The following WDFY4 variants were observed in gnomAD, a reference collection of about 807,000 sequenced individuals.
WDFY4 encodes the protein WD repeat- and FYVE domain-containing protein 4.
In WDFY4, 169 loss-of-function variants were observed where a neutral mutation model predicts 351.9. The ratio of observed to expected loss-of-function variants is 0.48; its 90% confidence interval spans 0.42 to 0.55. The LOEUF is 0.55. Ranked by LOEUF, WDFY4 falls within the 20% of genes least tolerant of loss-of-function variation. The pLI, the probability that WDFY4 is intolerant of heterozygous loss-of-function variation, is 0.00. For synonymous variants in WDFY4, 1,622 were observed against 1,574.6 expected, an observed-to-expected ratio of 1.03 and a Z score of -0.71; for missense variants, 3,803 against 3,935.6, an observed-to-expected ratio of 0.97 and a Z score of 0.90.
At chr10:48,803,139 A>AG in intron 24 of WDFY4, 147 bp from the exon 25 acceptor site, 4 of 752,570 alleles carry the variant, frequency 5.3e-6, no homozygotes, top group Non-Finnish European at 8.8e-6. Context: ...GAGTGTCAGG[A>AG]CAGCTGATCT....
chr10:48,942,318 T>C (rs1017004350), intron 48 of WDFY4, among the ~76,000 whole-genome samples: 1 of 152,220 alleles, frequency 6.6e-6, no homozygotes, highest in Non-Finnish European at 1.5e-5. Context: ...CCTGACCAGA[T>C]GTCGGTGATG....
At position 48,774,548 on chromosome 10, in the gene WDFY4, T is replaced by G. The variant is rs2065966656; in HGVS notation, c.2644T>G (p.Leu882Val). 6.4e-7 allele frequency: 1 copy of G among 1,551,520 alleles called. No homozygotes were observed. The highest frequency in any genetic ancestry group is 8.7e-7 in the Non-Finnish European group (1 of 1,146,946). ...CCGCCAGGTCATGTGCGAAGCAGGC[T>G]TGCTTGGGACCCTCATGGCCTCCTG... ...KNRQVMCEAG[L>V]LGTLMASCHR... The change falls in exon 14 of 62, where the codon TTG becomes GTG. Residue 882 changes from leucine (L) to valine (V), a missense_variant. Around this residue, in one of 3 missense-constraint regions of WDFY4, gnomAD observed 3,054 missense variants for 3,148.6 expected, o/e 0.97. Coordinates refer to ENST00000325239, the MANE Select transcript of WDFY4 (RefSeq NM_001394531.1).
rs546471880 is a variant in WDFY4 at position 48,804,621 on chromosome 10, C to T, written c.4485-639C>T. On this transcript the variant is annotated intron_variant, in intron 25 of 61. Transcript: ENST00000325239. ...GAGGAATCTGCCCAAAGTCACCCTC[C>T]TCCACATTTTTCTCCACCATTTTTT... The T allele has an allele frequency of 1.2e-5, 8 of 666,910 alleles. No individual in the cohort carries two copies. The Admixed American group carries it at 5.0e-4, about 42-fold the overall frequency. 41.3% of individuals were successfully genotyped at this position (666,910 alleles called of 1,614,324 possible).
chr10:48,899,434 G>A (rs537012056), intron 45 of WDFY4, among the ~76,000 whole-genome samples: 1 of 152,204 alleles, frequency 6.6e-6, no homozygotes. Flanking sequence ...TGCAGGACAG[G>A]ACTCTGCTAT....
chr10:48,800,384 G>A (rs146595178), intron 24 of WDFY4, among the ~76,000 whole-genome samples: 2 of 152,190 alleles, frequency 1.3e-5, no homozygotes, highest in African/African-American at 4.8e-5. Flanking sequence ...GACAGGAAGA[G>A]GAAGTTGTGA....
At position 48,723,508 on chromosome 10, in the gene WDFY4, C is replaced by G; in HGVS notation, c.532C>G (p.Pro178Ala). Reference protein sequence around the residue: ...LQCLYLFFVFPLDKDELLESD... With the variant: ...LQCLYLFFVFALDKDELLESD... ...GTGCCTTTACCTCTTCTTTGTCTTT[C>G]CTCTGGACAAAGATGAGCTTCTTGA... Residue 178 changes from proline to alanine, a missense_variant, in exon 5 of 62, where the codon CCT becomes GCT. This residue lies in a region of WDFY4 where 488 missense variants were observed against 456.8 expected (regional missense o/e 1.07). Coordinates refer to ENST00000325239, the MANE Select transcript of WDFY4 (RefSeq NM_001394531.1). 2 of 1,551,686 alleles carry G rather than the reference C, an allele frequency of 1.3e-6. No individual in the cohort carries two copies. Among genetic ancestry groups the G allele is most frequent in the Non-Finnish European group, 1.7e-6 (2 of 1,147,040 alleles).
intron 4 of WDFY4, 149 bp downstream of exon 4, chr10:48,721,516 A>C (rs1266854563): frequency 3.0e-5 from 22 of 741,704 alleles, no homozygotes; most frequent in Non-Finnish European, 4.3e-5. Flanking sequence ...CTTCTGGTGT[A>C]GAACATGGAC....
chr10:48,858,176 A>G (rs75817651), intron 39 of WDFY4, among the ~76,000 whole-genome samples: 3,078 of 152,236 alleles, frequency 0.02, 112 homozygotes, highest in African/African-American at 0.07. Flanking sequence ...ATTTTCTCTC[A>G]GAGTGTAGAT....
chr10:48,969,401 A>G (rs556894197), intron 56 of WDFY4, among the ~76,000 whole-genome samples, 153 bp downstream of exon 56: 12 of 152,294 alleles, frequency 7.9e-5, no homozygotes, highest in African/African-American at 2.9e-4. Flanking sequence ...GGACTCAGTG[A>G]CCATGCAAAG....
chr10:48,728,361 A>G (rs2064339152), intron 7 of WDFY4, among the ~76,000 whole-genome samples: 1 of 152,188 alleles, frequency 6.6e-6, no homozygotes, highest in Non-Finnish European at 1.5e-5. Context: ...AGTGGGGCCC[A>G]GGGATTACAG....
intron 1 of WDFY4, among the ~76,000 whole-genome samples, chr10:48,697,464 C>A (rs534459617): frequency 6.6e-6 from 1 of 152,216 alleles, no homozygotes; most frequent in Non-Finnish European, 1.5e-5. Flanking sequence ...TTGGGGAACC[C>A]GGCCTCCAAG....
At position 48,751,316 on chromosome 10, in the gene WDFY4, A is replaced by G. The variant is rs114435959; in HGVS notation, c.2459+7768A>G. The stretch of plus-strand genomic sequence containing the variant: ...AGGAGGCATAAAGGTGAGACTCAAA[A>G]TCAACTATCTTGAGTAAGGTTTGTT... On this transcript the variant is annotated intron_variant, in intron 12 of 61. Transcript: ENST00000325239. Among the ~76,000 whole-genome samples, 795 of 152,338 alleles carry G rather than the reference A, an allele frequency of 5.2e-3. 7 individuals are homozygous for G. Among genetic ancestry groups the G allele is most frequent in the African/African-American group, 0.018 (754 of 41,584 alleles).
chr10:48,862,489 A>C (rs920593559), intron 39 of WDFY4, among the ~76,000 whole-genome samples: 21 of 152,150 alleles, frequency 1.4e-4, no homozygotes, highest in African/African-American at 4.6e-4. Context: ...TGTTCTCCTT[A>C]TGAGAATCTA....
chr10:48,776,830 G>T lies in WDFY4; in HGVS notation c.2944G>T (p.Ala982Ser), dbSNP rs1227071474. The T allele has an allele frequency of 1.7e-5, 26 of 1,551,540 alleles. No homozygotes were observed. The Admixed American group carries it at 3.5e-4, about 21-fold the overall frequency. The change falls in exon 16 of 62, where the codon GCC (alanine) becomes TCC (serine). Residue 982 changes from alanine to serine, a missense_variant. Physicochemically the swap from Ala to Ser is moderately conservative, Grantham distance 99. Coordinates refer to ENST00000325239, the MANE Select transcript of WDFY4 (RefSeq NM_001394531.1). ...TGGGCTGCACCCTGGAGTCACACAGGCCCCGCAGCCCTTGGGGGAATCCCA... is the reference window on the plus strand; with the variant it reads ...TGGGCTGCACCCTGGAGTCACACAGTCCCCGCAGCCCTTGGGGGAATCCCA... ...DAGLHPGVTQAPQPLGESQDS... is the reference protein window; with the variant it reads ...DAGLHPGVTQSPQPLGESQDS...
At chr10:48,917,247 G>A (rs975103727) in intron 47 of WDFY4, among the ~76,000 whole-genome samples, 8 of 152,178 alleles carry the variant, frequency 5.3e-5, no homozygotes, top group Non-Finnish European at 1.2e-4. Context: ...GAAGTGACAT[G>A]TGCCTCTATC....
At chr10:48,980,967 A>C (rs1433966208) in intron 60 of WDFY4, among the ~76,000 whole-genome samples, 2 of 152,248 alleles carry the variant, frequency 1.3e-5, no homozygotes, top group Non-Finnish European at 2.9e-5. Flanking sequence ...TGCCGACTTT[A>C]TGTAATTTAT....
rs2068159923 is a variant in WDFY4, at chr10:48,830,691, C to T, written c.6341-9C>T. ...CCATCCTGAGTGTGCCATGTGCTCT[C>T]TCTGCTAGTCCAACACAACATCCAG... On this transcript the variant is annotated splice_polypyrimidine_tract_variant and intron_variant, in intron 37 of 61. Coordinates refer to ENST00000325239, the MANE Select transcript of WDFY4 (RefSeq NM_001394531.1). 6.5e-7 allele frequency: 1 copy of T among 1,550,044 alleles called. No individual in the cohort carries two copies. The highest frequency in any genetic ancestry group is 1.2e-5 in the South Asian group (1 of 83,958).
intron 13 of WDFY4, among the ~76,000 whole-genome samples, chr10:48,766,586 C>T (rs11101466): frequency 0.12 from 18,160 of 151,924 alleles, 1,397 homozygotes; most frequent in East Asian, 0.39. Flanking sequence ...AGAGTGAGAC[C>T]TTGTCTCAAA....
chr10:48,711,180 G>A (rs192308521), intron 2 of WDFY4, among the ~76,000 whole-genome samples: 4 of 152,236 alleles, frequency 2.6e-5, no homozygotes, highest in African/African-American at 9.6e-5. Context: ...AATCTTGTTG[G>A]GAACACGTTT....
Sources: allele counts gnomAD v4.1 joint callset (sites outside exome capture counted in the v4.1 genomes callset), GRCh38; gene constraint gnomAD v4.1.1; regional missense constraint gnomAD v4.1.1; transcripts MANE v1.5; gene names NCBI Gene and HGNC (gene_info 2026-07-23, HGNC 2026-07-21).